Variants in CCNI observed in about 807,000 individuals in gnomAD.
CCNI encodes cyclin-I.
In CCNI, 14 loss-of-function variants were observed where a neutral mutation model predicts 34.1. That is an observed-to-expected ratio of 0.41 (90% CI 0.27 to 0.64). The LOEUF is 0.64. Ranked by LOEUF, CCNI falls within the 30% of genes least tolerant of loss-of-function variation. The probability of loss-of-function intolerance (pLI) is 0.31; values close to 1 mark genes in which losing one functional copy is unlikely to be tolerated. For missense variants in CCNI, 385 were observed against 440.5 expected (o/e 0.87, Z 1.13); for synonymous variants, 154 against 158.4 (o/e 0.97, Z 0.21).
chr4:77,072,638 T>TAAAAAGAAAA (rs1729567849), intron 1 of CCNI, among the ~76,000 whole-genome samples: 1 of 101,386 alleles, frequency 9.9e-6, no homozygotes, highest in African/African-American at 4.1e-5. Context: ...CCCAATCTCT[T>TAAAAAGAAAA]AAAAAAAAAA....
intron 1 of CCNI, among the ~76,000 whole-genome samples, chr4:77,072,235 T>C (rs1467747755): frequency 6.6e-6 from 1 of 151,632 alleles, no homozygotes; most frequent in Non-Finnish European, 1.5e-5. Flanking sequence ...ACATTATCAA[T>C]AGTAAAAAAA....
At chr4:77,048,808 A>G (rs896822607) in intron 6 of CCNI, 146 bp from the exon 7 acceptor site, 1 of 481,832 alleles carries the variant, frequency 2.1e-6, no homozygotes, top group African/African-American at 1.9e-5. Context: ...CAACTCATTT[A>G]TTTATCCAGC....
At chr4:77,068,739 T>A (rs1729233960) in intron 1 of CCNI, among the ~76,000 whole-genome samples, 1 of 148,310 alleles carries the variant, frequency 6.7e-6, no homozygotes. Context: ...AAGTTCCAAT[T>A]TTTTTAAAAA....
At chr4:77,049,297 A>T (rs977051895) in intron 6 of CCNI, among the ~76,000 whole-genome samples, 2 of 152,114 alleles carry the variant, frequency 1.3e-5, no homozygotes, top group African/African-American at 2.4e-5. Context: ...CAATTCACAG[A>T]TATCAATCCT....
chr4:77,075,725 C>G lies in CCNI; in HGVS notation c.-297G>C, dbSNP rs1320552642. ...GGTCAGCGAATTAGTTCCATGATGA[C>G]CCCCGGCCTGAGGCCGCCGCCGCTC... On this transcript the variant is annotated 5_prime_UTR_variant, in exon 1 of 7. Coordinates refer to ENST00000237654, the MANE Select transcript of CCNI (RefSeq NM_006835.3). 8.2e-6 allele frequency: 2 copies of G among 244,236 alleles called. No individual in the cohort carries two copies. The highest frequency in any genetic ancestry group is 4.6e-5 in the African/African-American group (2 of 43,090). 15.1% of individuals were successfully genotyped at this position (244,236 alleles called of 1,614,324 possible).
intron 5 of CCNI, 34 bp from the exon 6 acceptor site, chr4:77,055,414 T>C (rs199953555): frequency 2.9e-6 from 4 of 1,396,576 alleles, no homozygotes; most frequent in Non-Finnish European, 4.0e-6. Flanking sequence ...TTAACTTTAT[T>C]TAAATATCTG....
At position 77,047,446 on chromosome 4, in the gene CCNI, T is replaced by A. The variant is rs1727510915; in HGVS notation, c.*773A>T. 6.6e-6 allele frequency: 1 copy of A among 152,114 alleles called. No individual in the cohort carries two copies. Among genetic ancestry groups the A allele is most frequent in the Non-Finnish European group, 1.5e-5 (1 of 68,006 alleles). The allele number at this position is 152,114 out of a possible 1,614,324, so 9.4% of individuals were successfully genotyped here. A position where few individuals can be genotyped will look rare whatever the true frequency, so the allele number is the denominator to read the frequency against. ...GAGTGAAAACTATCAGTTAGAAAAA[T>A]CTAATTTAAGTTGTTAATACATGTT... On this transcript the variant is annotated 3_prime_UTR_variant, in exon 7 of 7. Transcript: ENST00000237654.
At chr4:77,052,423 TAAGGAGAGA>T (rs1407986952) in intron 6 of CCNI, among the ~76,000 whole-genome samples, 3 of 152,128 alleles carry the variant, frequency 2.0e-5, no homozygotes, top group Non-Finnish European at 4.4e-5. Flanking sequence ...TTTATAAGGC[TAAGGAGAGA>T]AAGAGGTTTA....
chr4:77,048,721 C>T (rs968695057), intron 6 of CCNI, 59 bp from the exon 7 acceptor site: 35 of 1,305,886 alleles, frequency 2.7e-5, no homozygotes, highest in Non-Finnish European at 3.6e-5. Flanking sequence ...ATAGGCTGCT[C>T]TGTTATCTCT....
At chr4:77,053,344 C>G (rs1472717140) in intron 6 of CCNI, among the ~76,000 whole-genome samples, 1 of 152,176 alleles carries the variant, frequency 6.6e-6, no homozygotes, top group Non-Finnish European at 1.5e-5. Context: ...AAGAAAGTCT[C>G]CAGTTCCCTA....
chr4:77,050,672 GA>G (rs565675875), intron 6 of CCNI, among the ~76,000 whole-genome samples: 10 of 151,878 alleles, frequency 6.6e-5, no homozygotes, highest in South Asian at 2.1e-4. Flanking sequence ...TCCCTTAAAA[GA>G]AAAAAAGTTA....
At chr4:77,063,344 TAAAA>T (rs745761323) in intron 2 of CCNI, among the ~76,000 whole-genome samples, 26 of 77,244 alleles carry the variant, frequency 3.4e-4, no homozygotes, top group Admixed American at 1.4e-3. Context: ...GAAAGGGAGG[TAAAA>T]AAAAAAAAAA....
At chr4:77,069,232 T>C (rs1392729213) in intron 1 of CCNI, among the ~76,000 whole-genome samples, 1 of 152,068 alleles carries the variant, frequency 6.6e-6, no homozygotes, top group African/African-American at 2.4e-5. Context: ...GCCTGGGCAA[T>C]GTGGTGAAAC....
chr4:77,060,412 T>C (rs1477857246), intron 2 of CCNI, among the ~76,000 whole-genome samples: 1 of 152,214 alleles, frequency 6.6e-6, no homozygotes, highest in Non-Finnish European at 1.5e-5. Flanking sequence ...TAAACACTGT[T>C]AACAATTAGT....
In CCNI at chr4:77,075,951, C is replaced by G. The variant is rs377042205; in HGVS notation, c.-523G>C. The G allele has an allele frequency of 6.6e-6, 1 of 150,568 alleles. No homozygotes were observed. The highest frequency in any genetic ancestry group is 3.5e-3 in the Middle Eastern group (1 of 282). 9.3% of individuals were successfully genotyped at this position (150,568 alleles called of 1,614,324 possible). A position where few individuals can be genotyped will look rare whatever the true frequency, so the allele number is the denominator to read the frequency against. Reference sequence around the variant, plus strand: ...AAAATAAGAAAAAGCGAGACAGAGGCGCTGCCGCGTCCGCTCGCGGGGAAG... The same window carrying G: ...AAAATAAGAAAAAGCGAGACAGAGGGGCTGCCGCGTCCGCTCGCGGGGAAG... On this transcript the variant is annotated 5_prime_UTR_variant, in exon 1 of 7. Transcript: ENST00000237654.
At chr4:77,058,669 A>C in intron 2 of CCNI, 34 bp from the exon 3 acceptor site, 1 of 1,594,222 alleles carries the variant, frequency 6.3e-7, no homozygotes, top group East Asian at 2.2e-5. Flanking sequence ...CAGAAGACAA[A>C]GTTTGAGCTA....
chr4:77,073,519 G>A (rs1262427956), intron 1 of CCNI, among the ~76,000 whole-genome samples: 1 of 152,140 alleles, frequency 6.6e-6, no homozygotes, highest in Non-Finnish European at 1.5e-5. Flanking sequence ...GATTAACGTG[G>A]CCATACAAGA....
At chr4:77,056,685 GT>G (rs1409683627) in intron 3 of CCNI, among the ~76,000 whole-genome samples, 1 of 150,982 alleles carries the variant, frequency 6.6e-6, no homozygotes, top group Admixed American at 6.6e-5. Context: ...CGCCTCCTGG[GT>G]TCATGCCATT....
At chr4:77,073,324 T>C (rs1729631765) in intron 1 of CCNI, among the ~76,000 whole-genome samples, 1 of 152,216 alleles carries the variant, frequency 6.6e-6, no homozygotes, top group Non-Finnish European at 1.5e-5. Flanking sequence ...ACAGCATAAC[T>C]ATTACAGATA....
Sources: allele counts gnomAD v4.1 joint callset (sites outside exome capture counted in the v4.1 genomes callset), GRCh38; gene constraint gnomAD v4.1.1; transcripts MANE v1.5; gene names NCBI Gene and HGNC (gene_info 2026-07-23, HGNC 2026-07-21).